Variants in BIRC6 observed in about 807,000 individuals in gnomAD.
The protein encoded by BIRC6 is dual E2 ubiquitin-conjugating enzyme/E3 ubiquitin-protein ligase BIRC6.
BIRC6 carries 98 observed loss-of-function variants against 503.3 expected under a neutral mutation model. The observed-to-expected ratio is 0.19, with a 90% CI of 0.17 to 0.23. BIRC6 has a LOEUF of 0.23. Among genes scored for constraint, BIRC6 ranks in the 10% least tolerant of loss-of-function variants. BIRC6 has a pLI of 1.00. For missense variants in BIRC6, 5,360 were observed against 5,806.0 expected, an observed-to-expected ratio of 0.92 and a Z score of 2.50; for synonymous variants, 2,240 against 2,078.7, an observed-to-expected ratio of 1.08 and a Z score of -2.11.
chr2:32,559,523 G>A (rs1031508546), intron 65 of BIRC6, among the ~76,000 whole-genome samples: 3 of 152,174 alleles, frequency 2.0e-5, no homozygotes, highest in Non-Finnish European at 4.4e-5. Flanking sequence ...CAAGATTGAA[G>A]TAGTTTTTAT....
chr2:32,531,278 C>G (rs1372704812), intron 60 of BIRC6, 77 bp from the exon 61 acceptor site: 8 of 1,264,916 alleles, frequency 6.3e-6, no homozygotes, highest in South Asian at 1.7e-5. Context: ...GCAGTAATAC[C>G]TGCTTTTGTA....
rs182789144 is a variant in BIRC6 at position 32,454,594 on chromosome 2, T to C, written c.4753+652T>C. Among the ~76,000 whole-genome samples the C allele has an allele frequency of 2.0e-5, 3 of 152,356 alleles. No homozygotes were observed. In the East Asian group the frequency reaches 5.8e-4, roughly 29 times the overall value. ...TTGGTTTATGATTTTATATCTGTAT[T>C]AGTCACTGAAGGGTTTGACTGTTGT... is the stretch of plus-strand genomic sequence containing the variant. On this transcript the variant is annotated intron_variant, in intron 23 of 73. Coordinates refer to ENST00000421745, the MANE Select transcript of BIRC6 (RefSeq NM_016252.4).
In BIRC6 at chr2:32,531,359, T is replaced by C; in HGVS notation, c.12099T>C (p.His4033=). The change falls in exon 61 of 74, where the codon CAT becomes CAC. Residue 4033 remains histidine, a synonymous_variant. Transcript: ENST00000421745. ...SYKRLHPEKD[H]GDLLASCPED... is the part of the protein sequence containing the mutation. Reference sequence around the variant, plus strand: ...TATTTGTAATTTATTGTCTAGATCATGGAGACTTACTTGCTAGCTGTCCAG... The same window carrying C: ...TATTTGTAATTTATTGTCTAGATCACGGAGACTTACTTGCTAGCTGTCCAG... 6.2e-7 allele frequency: 1 copy of C among 1,610,558 alleles called. No homozygotes were observed. The highest frequency in any genetic ancestry group is 8.5e-7 in the Non-Finnish European group (1 of 1,177,836).
intron 73 of BIRC6, among the ~76,000 whole-genome samples, chr2:32,614,989 T>C (rs577360272): frequency 4.6e-5 from 7 of 152,188 alleles, no homozygotes; most frequent in Non-Finnish European, 7.3e-5. Flanking sequence ...TTCTGTAGGC[T>C]GTACAGGAAG....
chr2:32,424,395 G>T (rs1220173471), intron 10 of BIRC6, among the ~76,000 whole-genome samples: 1 of 151,978 alleles, frequency 6.6e-6, no homozygotes, highest in Non-Finnish European at 1.5e-5. Context: ...CCACATTTTG[G>T]CTATTGTGAA....
chr2:32,607,824 GA>G (rs1480408126), intron 72 of BIRC6, among the ~76,000 whole-genome samples, 181 bp downstream of exon 72: 6 of 151,280 alleles, frequency 4.0e-5, no homozygotes, highest in Non-Finnish European at 7.4e-5. Flanking sequence ...CTTAAAAAAA[GA>G]AAAAGATAAA....
At chr2:32,493,206 A>G (rs2051971394) in intron 44 of BIRC6, among the ~76,000 whole-genome samples, 1 of 152,032 alleles carries the variant, frequency 6.6e-6, no homozygotes, top group Non-Finnish European at 1.5e-5. Flanking sequence ...GTGAAAATCT[A>G]TGTTGAAGTT....
chr2:32,478,922 C>T (rs976666527), intron 36 of BIRC6, 104 bp downstream of exon 36: 3 of 1,097,510 alleles, frequency 2.7e-6, no homozygotes, highest in Non-Finnish European at 4.0e-6. Flanking sequence ...TCTTTAACCC[C>T]CTAAAAGCAT....
In BIRC6 at chr2:32,618,462, G is replaced by A. The variant is rs1372213279; in HGVS notation, c.*558G>A. 6.6e-6 allele frequency: 1 copy of A among 152,210 alleles called. No individual in the cohort carries two copies. The highest frequency in any genetic ancestry group is 1.5e-5 in the Non-Finnish European group (1 of 68,004). The allele number at this position is 152,210 out of a possible 1,614,324, so 9.4% of individuals were successfully genotyped here. A position where few individuals can be genotyped will look rare whatever the true frequency, so the allele number is the denominator to read the frequency against. ...GGTACATTTTTAAAATAATAAATCTGCCATAAAATGCATTATATCTGGAGA... is the reference window on the plus strand; with the variant it reads ...GGTACATTTTTAAAATAATAAATCTACCATAAAATGCATTATATCTGGAGA... On this transcript the variant is annotated 3_prime_UTR_variant, in exon 74 of 74. Coordinates refer to ENST00000421745, the MANE Select transcript of BIRC6 (RefSeq NM_016252.4).
chr2:32,369,079 T>G (rs1284788015), intron 1 of BIRC6, among the ~76,000 whole-genome samples: 1 of 152,158 alleles, frequency 6.6e-6, no homozygotes, highest in African/African-American at 2.4e-5. Flanking sequence ...TGAGGTGGTG[T>G]TTGAGTAAAG....
chr2:32,480,632 T>TTTTTTTTTTTTTTTG, intron 37 of BIRC6, among the ~76,000 whole-genome samples: 1 of 56,086 alleles, frequency 1.8e-5, no homozygotes, highest in Non-Finnish European at 3.9e-5. Flanking sequence ...TTTTTTTTTT[T>TTTTTTTTTTTTTTTG]TTTTTTTTTT....
chr2:32,529,779 A>C lies in BIRC6; in HGVS notation c.12049A>C (p.Ser4017Arg). Residue 4017 changes from serine (S) to arginine (R), a missense_variant, in exon 60 of 74, where the codon AGT (serine) becomes CGT (arginine). Coordinates refer to ENST00000421745, the MANE Select transcript of BIRC6 (RefSeq NM_016252.4). ...KLGSRVITDP[S>R]LSKTDSYKRL... ...GGGATCAAGAGTTATAACAGACCCC[A>C]GTCTATCAAAAACAGATTCTTATAA... 3.1e-6 allele frequency: 5 copies of C among 1,613,212 alleles called. No homozygotes were observed. The highest frequency in any genetic ancestry group is 4.2e-6 in the Non-Finnish European group (5 of 1,179,514).
At chr2:32,496,279 G>A (rs554444790) in intron 45 of BIRC6, among the ~76,000 whole-genome samples, 11 of 151,292 alleles carry the variant, frequency 7.3e-5, no homozygotes, top group South Asian at 2.1e-4. Context: ...AGGATGGAGT[G>A]CTGTGGCGTG....
intron 6 of BIRC6, among the ~76,000 whole-genome samples, chr2:32,400,047 GC>G (rs1415789702): frequency 2.6e-5 from 4 of 151,970 alleles, no homozygotes; most frequent in Non-Finnish European, 5.9e-5. Flanking sequence ...AACCACCTTG[GC>G]CCCCCGAAGT....
intron 65 of BIRC6, among the ~76,000 whole-genome samples, chr2:32,572,668 T>C (rs2059995787): frequency 6.6e-6 from 1 of 152,184 alleles, no homozygotes; most frequent in East Asian, 1.9e-4. Context: ...TATAAAATTA[T>C]AGTAAGTAGG....
Position 32,506,160 on chromosome 2 carries a change from T to A in BIRC6, c.9700+955T>A, listed in dbSNP as rs1572683881. Among the ~76,000 whole-genome samples the A allele has an allele frequency of 2.0e-5, 3 of 152,198 alleles. No homozygotes were observed. The East Asian group carries it at 5.8e-4, about 29-fold the overall frequency. ...ACTGCACCCAGCCCATTTTGTGTTT[T>A]ATATGGTTCACAAATGCTTTCAATA... On this transcript the variant is annotated intron_variant, in intron 50 of 73. Coordinates refer to ENST00000421745, the MANE Select transcript of BIRC6 (RefSeq NM_016252.4).
intron 20 of BIRC6, among the ~76,000 whole-genome samples, chr2:32,444,085 G>T (rs1368124318): frequency 6.8e-6 from 1 of 146,442 alleles, no homozygotes; most frequent in Non-Finnish European, 1.5e-5. Context: ...TGCCTTTCAA[G>T]AATGAATGTA....
chr2:32,384,329 C>G (rs2038129814), intron 3 of BIRC6, among the ~76,000 whole-genome samples: 1 of 152,010 alleles, frequency 6.6e-6, no homozygotes, highest in Non-Finnish European at 1.5e-5. Flanking sequence ...AGCTTTTCTG[C>G]CAGGCCAGCT....
At chr2:32,580,815 C>T (rs1457379092) in intron 66 of BIRC6, among the ~76,000 whole-genome samples, 1 of 152,174 alleles carries the variant, frequency 6.6e-6, no homozygotes. Context: ...CTCTTGCTCT[C>T]ATATTATGGA....
Sources: gnomAD v4.1 joint callset for allele counts (sites outside exome capture counted in the v4.1 genomes callset) on GRCh38, gnomAD v4.1.1 for gene constraint, MANE v1.5 for transcripts, NCBI Gene and HGNC (gene_info 2026-07-23, HGNC 2026-07-21) for gene names.